The following ILDR2 variants were observed in gnomAD, a reference collection of about 807,000 sequenced individuals.
ILDR2 encodes the protein immunoglobulin like domain containing receptor 2.
A neutral mutation model predicts 66.8 loss-of-function variants in ILDR2; 25 were observed. The ratio of observed to expected loss-of-function variants is 0.37; its 90% CI spans 0.27 to 0.52. The LOEUF (loss-of-function observed/expected upper bound fraction) is 0.52, where lower values mean the gene tolerates loss of function less well. Ranked by LOEUF, ILDR2 falls within the 20% of genes least tolerant of loss-of-function variation. The probability of loss-of-function intolerance (pLI) is 0.88; values close to 1 mark genes in which losing one functional copy is unlikely to be tolerated. For missense variants in ILDR2, 827 were observed against 876.8 expected (o/e 0.94, Z 0.72); for synonymous variants, 367 against 357.2 (o/e 1.03, Z -0.31).
intron 6 of ILDR2, chr1:166,933,660 C>T: frequency 2.3e-6 from 1 of 443,908 alleles, no homozygotes; most frequent in Non-Finnish European, 3.0e-6. Flanking sequence ...TTAGATAATC[C>T]ATTAAAAAAT....
At chr1:166,903,522 A>G (rs1222600247), downstream of ILDR2, among the ~76,000 whole-genome samples, 1 of 152,246 alleles carries the variant, frequency 6.6e-6, no homozygotes, top group East Asian at 1.9e-4. Flanking sequence ...TCACATGGCC[A>G]CAACTCACAA....
Position 166,921,284 on chromosome 1 carries a change from G to A in ILDR2, c.1307C>T (p.Ser436Phe). The A allele has an allele frequency of 1.3e-6, 2 of 1,599,102 alleles. No homozygotes were observed. The highest frequency in any genetic ancestry group is 8.5e-7 in the Non-Finnish European group (1 of 1,172,776). ...TGCCCGGCGGGGCCGCTGGCCGTAG[G>A]AGTCAGCGAAGGCCGCCAGCTCGTC... ...SMDELAAFAD[S>F]YGQRPRRADG... Residue 436 changes from serine (S) to phenylalanine (F), a missense_variant, in exon 9 of 10, where the codon TCC (serine) becomes TTC (phenylalanine). By Grantham distance (155) the Ser-to-Phe change is radical. Coordinates refer to ENST00000271417, the MANE Select transcript of ILDR2 (RefSeq NM_199351.3). The surrounding 1 kb of genome is among the most constrained non-coding windows in gnomAD (Gnocchi z 5.3).
chr1:166,906,576 A>G (rs141200837), downstream of ILDR2, among the ~76,000 whole-genome samples: 51 of 152,344 alleles, frequency 3.3e-4, no homozygotes, highest in Non-Finnish European at 5.4e-4. Flanking sequence ...GAGACTGGCA[A>G]TGAAGCTGTG....
intron 3 of ILDR2, among the ~76,000 whole-genome samples, chr1:166,947,219 G>T (rs1661667231): frequency 1.3e-5 from 2 of 152,238 alleles, no homozygotes; most frequent in African/African-American, 4.8e-5. Flanking sequence ...ATGGAACGGG[G>T]AAAGTGAGTT....
chr1:166,920,671 G>A (rs1223469242), intron 9 of ILDR2, 36 bp downstream of exon 9: 36 of 1,348,402 alleles, frequency 2.7e-5, no homozygotes, highest in Non-Finnish European at 3.3e-5. Context: ...CTCCCGCTCA[G>A]TCCCCTCGGA....
intron 3 of ILDR2, 44 bp downstream of exon 3, chr1:166,956,689 G>C: frequency 2.5e-6 from 4 of 1,606,288 alleles, no homozygotes; most frequent in Non-Finnish European, 2.5e-6. Flanking sequence ...CAGTGCAAGT[G>C]CAAGTGGTCT....
At chr1:166,942,712 C>T (rs1661377523) in intron 3 of ILDR2, among the ~76,000 whole-genome samples, 1 of 152,184 alleles carries the variant, frequency 6.6e-6, no homozygotes, top group Non-Finnish European at 1.5e-5. Flanking sequence ...ACATTACTTC[C>T]ACACACAGAA....
chr1:166,939,210 GT>G (rs1017181660), intron 4 of ILDR2, among the ~76,000 whole-genome samples: 44 of 152,254 alleles, frequency 2.9e-4, no homozygotes, highest in African/African-American at 9.9e-4. Context: ...ATACTTTTAG[GT>G]ATATGGGTAC....
At position 166,912,779 on chromosome 1, in the gene ILDR2, T is replaced by C. The variant is rs1353245854; in HGVS notation, c.*6576A>G. 2 of 152,220 alleles carry C rather than the reference T, an allele frequency of 1.3e-5. No homozygotes were observed. The highest frequency in any genetic ancestry group is 1.3e-4 in the Admixed American group (2 of 15,282). The allele number at this position is 152,220 out of a possible 1,614,324, so 9.4% of individuals were successfully genotyped here. ...TTTAATTGCCTCCTCTTAATTATGG[T>C]GCTGTGGAATTTCTCAAATCTTAAC... On this transcript the variant is annotated 3_prime_UTR_variant, in exon 10 of 10. Coordinates refer to ENST00000271417, the MANE Select transcript of ILDR2 (RefSeq NM_199351.3).
At chr1:166,898,044 A>G (rs1246496121) in intron 2 of ILDR2, among the ~76,000 whole-genome samples, 1 of 152,180 alleles carries the variant, frequency 6.6e-6, no homozygotes, top group African/African-American at 2.4e-5. Flanking sequence ...CTGGGTAGCT[A>G]GCATCAGGGT....
At position 166,915,205 on chromosome 1, in the gene ILDR2, C is replaced by G. The variant is rs1205862696; in HGVS notation, c.*4150G>C. 6.6e-6 allele frequency: 1 copy of G among 152,234 alleles called. No individual in the cohort carries two copies. Among genetic ancestry groups the G allele is most frequent in the Non-Finnish European group, 1.5e-5 (1 of 68,054 alleles). The allele number at this position is 152,234 out of a possible 1,614,324, so 9.4% of individuals were successfully genotyped here. On this transcript the variant is annotated 3_prime_UTR_variant, in exon 10 of 10. Transcript: ENST00000271417. ...TCCTTTCTCTCTGCCTGTTTTCCCA[C>G]TACCACTAGCGTACTCTGGTGAGCC... is the stretch of plus-strand genomic sequence containing the variant.
At chr1:166,933,875 AC>A (rs1233356303) in intron 6 of ILDR2, among the ~76,000 whole-genome samples, 1 of 152,166 alleles carries the variant, frequency 6.6e-6, no homozygotes, top group Non-Finnish European at 1.5e-5. Context: ...TCAGAATTCT[AC>A]TAATAGCTCC....
chr1:166,919,505 G>T, intron 9 of ILDR2, 115 bp from the exon 10 acceptor site: 1 of 875,716 alleles, frequency 1.1e-6, no homozygotes, highest in Non-Finnish European at 1.7e-6. Flanking sequence ...AGGCACCCCT[G>T]ATTCTCAGAA....
At chr1:166,947,748 G>C (rs537752726) in intron 3 of ILDR2, among the ~76,000 whole-genome samples, 5 of 152,176 alleles carry the variant, frequency 3.3e-5, no homozygotes, top group African/African-American at 1.2e-4. Context: ...GCTCCTGCCC[G>C]GGGTAACCAC....
chr1:166,932,121 G>C (rs903436093), intron 6 of ILDR2, among the ~76,000 whole-genome samples: 1 of 152,244 alleles, frequency 6.6e-6, no homozygotes, highest in African/African-American at 2.4e-5. Flanking sequence ...CATACACAGA[G>C]ATAGGTAAGA....
chr1:166,922,450 C>T, intron 8 of ILDR2, 143 bp downstream of exon 8: 2 of 698,838 alleles, frequency 2.9e-6, no homozygotes, highest in South Asian at 3.4e-5. Context: ...TGTTCAATAT[C>T]CTGTAGAAAG....
rs59808646 is a variant in ILDR2 at position 166,909,774 on chromosome 1, T to A, written c.*9581A>T. On this transcript the variant is annotated 3_prime_UTR_variant, in exon 10 of 10. Transcript: ENST00000271417. ...ATATATATATAAATATATATAAATA[T>A]ATATATTTATATATATATATATATA... The A allele has an allele frequency of 2.3e-4, 8 of 35,440 alleles. No homozygotes were observed. The highest frequency in any genetic ancestry group is 8.0e-4 in the African/African-American group (6 of 7,454). The allele number at this position is 35,440 out of a possible 1,614,324, so 2.2% of individuals were successfully genotyped here. A position where few individuals can be genotyped will look rare whatever the true frequency, so the allele number is the denominator to read the frequency against.
chr1:166,906,026 G>C (rs1659337369), downstream of ILDR2, among the ~76,000 whole-genome samples: 1 of 152,222 alleles, frequency 6.6e-6, no homozygotes, highest in Non-Finnish European at 1.5e-5. Context: ...GTCTTAAAGT[G>C]ACTGAGATCA....
Position 166,914,445 on chromosome 1 carries a change from G to A in ILDR2, c.*4910C>T, listed in dbSNP as rs1486860601. 6.6e-6 allele frequency: 1 copy of A among 152,222 alleles called. No individual in the cohort carries two copies. Among genetic ancestry groups the A allele is most frequent in the Non-Finnish European group, 1.5e-5 (1 of 68,042 alleles). 9.4% of individuals were successfully genotyped at this position (152,222 alleles called of 1,614,324 possible). A position where few individuals can be genotyped will look rare whatever the true frequency, so the allele number is the denominator to read the frequency against. ...TTAAAAACCATTTGACTACAGACAA[G>A]TCACTTAGTATTTTTCAACCTCAGT... On this transcript the variant is annotated 3_prime_UTR_variant, in exon 10 of 10. Transcript: ENST00000271417.
Sources: gnomAD v4.1 joint callset for allele counts (sites outside exome capture counted in the v4.1 genomes callset) on GRCh38, gnomAD v4.1.1 for gene constraint, Gnocchi (gnomAD v3.1) non-coding constraint, MANE v1.5 for transcripts, NCBI Gene and HGNC (gene_info 2026-07-23, HGNC 2026-07-21) for gene names.